The following STXBP6 variants were observed in gnomAD, a reference collection of about 807,000 sequenced individuals.
STXBP6 encodes syntaxin binding protein 6.
Under a neutral mutation model 26.9 loss-of-function variants are expected in STXBP6, and 21 were observed. The ratio of observed to expected loss-of-function variants is 0.78; its 90% confidence interval spans 0.55 to 1.12. The LOEUF is 1.12. Among genes scored for constraint, STXBP6 ranks in the 50% most tolerant of loss-of-function variants. STXBP6 has a pLI of 0.00. For missense variants in STXBP6, 232 were observed against 257.9 expected (o/e 0.90, Z 0.69); for synonymous variants, 97 against 92.6 (o/e 1.05, Z -0.27).
chr14:24,922,294 G>GTAAT, intron 2 of STXBP6, among the ~76,000 whole-genome samples: 1 of 152,190 alleles, frequency 6.6e-6, no homozygotes, highest in South Asian at 2.1e-4. Flanking sequence ...GATGTTTAGA[G>GTAAT]GGATTAGGTG....
chr14:24,987,327 A>G (rs1032558408), intron 1 of STXBP6, among the ~76,000 whole-genome samples: 24 of 152,152 alleles, frequency 1.6e-4, no homozygotes, highest in Non-Finnish European at 3.1e-4. Flanking sequence ...CCTTTACTCA[A>G]TGAATAATAT....
At chr14:25,044,920 C>T (rs17257780) in intron 1 of STXBP6, among the ~76,000 whole-genome samples, 46,384 of 152,178 alleles carry the variant, frequency 0.3, 7,144 homozygotes, top group Non-Finnish European at 0.31. Flanking sequence ...TGCTACCCAC[C>T]ATTTATATTA....
rs1170411962 is a variant in STXBP6 at position 24,809,470 on chromosome 14, A to T, written c.*3239T>A. On this transcript the variant is annotated 3_prime_UTR_variant, in exon 6 of 6. Transcript: ENST00000323944. The stretch of plus-strand genomic sequence containing the variant: ...TTGTCTAAATTAAGGTTAGCTCTTT[A>T]GTCTTTATTACATTCCAAGCTTTTC... Among the ~76,000 whole-genome samples the T allele has an allele frequency of 1.3e-5, 2 of 152,096 alleles. No homozygotes were observed. Among genetic ancestry groups the T allele is most frequent in the African/African-American group, 4.8e-5 (2 of 41,424 alleles).
intron 2 of STXBP6, among the ~76,000 whole-genome samples, chr14:24,928,802 T>C (rs1057195141): frequency 7.9e-5 from 12 of 152,266 alleles, no homozygotes; most frequent in South Asian, 4.2e-4. Context: ...AGAATATAAA[T>C]ATTGCTAGTG....
intron 4 of STXBP6, among the ~76,000 whole-genome samples, chr14:24,838,416 T>C (rs1424951066): frequency 1.3e-5 from 2 of 152,152 alleles, no homozygotes; most frequent in Non-Finnish European, 1.5e-5. Flanking sequence ...CTGGGCGTGG[T>C]GGCTCATGCC....
intron 2 of STXBP6, among the ~76,000 whole-genome samples, chr14:24,921,711 G>A (rs746952452): frequency 2.6e-5 from 4 of 152,130 alleles, no homozygotes; most frequent in Non-Finnish European, 4.4e-5. Context: ...TATTGGGAAA[G>A]TCAGGCGGCA....
intron 1 of STXBP6, among the ~76,000 whole-genome samples, chr14:24,982,495 A>G (rs2074223044): frequency 6.6e-6 from 1 of 152,240 alleles, no homozygotes; most frequent in South Asian, 2.1e-4. Flanking sequence ...ATGTAAAAAC[A>G]ACACAACCGT....
chr14:25,010,215 T>C (rs1369734330), intron 1 of STXBP6, among the ~76,000 whole-genome samples: 1 of 152,222 alleles, frequency 6.6e-6, no homozygotes, highest in Non-Finnish European at 1.5e-5. Flanking sequence ...ATGCTCACTT[T>C]AGATTTGAAA....
intron 2 of STXBP6, among the ~76,000 whole-genome samples, chr14:24,911,104 C>T (rs992090034): frequency 7.2e-5 from 11 of 152,228 alleles, no homozygotes; most frequent in African/African-American, 2.6e-4. Context: ...GTGAGAGGAT[C>T]ACTTGAGCCC....
At chr14:25,007,981 C>G (rs2074941386) in intron 1 of STXBP6, among the ~76,000 whole-genome samples, 2 of 152,160 alleles carry the variant, frequency 1.3e-5, no homozygotes, top group Admixed American at 6.5e-5. Context: ...ATCTGCAGGC[C>G]TGGCTCACTT....
At chr14:24,932,959 G>C (rs2072470609) in intron 2 of STXBP6, among the ~76,000 whole-genome samples, 1 of 152,188 alleles carries the variant, frequency 6.6e-6, no homozygotes, top group African/African-American at 2.4e-5. Flanking sequence ...CTGGGCAGCT[G>C]AATGTAAAGA....
chr14:25,008,325 G>A (rs2050915701), intron 1 of STXBP6, among the ~76,000 whole-genome samples: 1 of 152,104 alleles, frequency 6.6e-6, no homozygotes, highest in South Asian at 2.1e-4. Flanking sequence ...GCATCAGAGT[G>A]GGACTCCAAC....
intron 1 of STXBP6, among the ~76,000 whole-genome samples, chr14:25,015,198 A>G (rs911991934): frequency 6.6e-6 from 1 of 152,182 alleles, no homozygotes; most frequent in Non-Finnish European, 1.5e-5. Context: ...CTTTTTCTCT[A>G]CAAAATAAAA....
chr14:24,931,137 A>C (rs1298436861), intron 2 of STXBP6, among the ~76,000 whole-genome samples: 1 of 139,460 alleles, frequency 7.2e-6, no homozygotes, highest in Non-Finnish European at 1.5e-5. Context: ...AAAAAAAAAA[A>C]AAAAACCCAA....
chr14:24,908,624 T>C (rs1307123400), intron 2 of STXBP6, among the ~76,000 whole-genome samples: 2 of 151,734 alleles, frequency 1.3e-5, no homozygotes, highest in South Asian at 2.1e-4. Context: ...TTTTGTCCCA[T>C]CTGCCTGGAA....
intron 1 of STXBP6, among the ~76,000 whole-genome samples, chr14:24,987,070 G>GA (rs917859338): frequency 1.7e-4 from 25 of 150,910 alleles, no homozygotes; most frequent in Admixed American, 2.6e-4. Context: ...TGATAGGAAG[G>GA]AAAAAAAAAT....
chr14:24,879,893 C>T (rs2070294325), intron 2 of STXBP6, among the ~76,000 whole-genome samples: 1 of 152,192 alleles, frequency 6.6e-6, no homozygotes, highest in African/African-American at 2.4e-5. Context: ...GGGTGTCTGG[C>T]TGCCTGCTCC....
At chr14:24,856,952 T>C (rs1339546735) in intron 3 of STXBP6, 75 bp downstream of exon 3, 37 of 1,529,058 alleles carry the variant, frequency 2.4e-5, no homozygotes, top group South Asian at 7.7e-5. Flanking sequence ...AAACCACCAC[T>C]ACCACTACCA....
chr14:24,904,102 G>A (rs1039322443), intron 2 of STXBP6, among the ~76,000 whole-genome samples: 2 of 152,148 alleles, frequency 1.3e-5, no homozygotes, highest in African/African-American at 2.4e-5. Flanking sequence ...TCAGAGGTTT[G>A]GCATCAGGAA....
Sources: gnomAD v4.1 joint callset for allele counts (sites outside exome capture counted in the v4.1 genomes callset) on GRCh38, gnomAD v4.1.1 for gene constraint, MANE v1.5 for transcripts, NCBI Gene and HGNC (gene_info 2026-07-23, HGNC 2026-07-21) for gene names.